Variants in ATL2 observed in about 807,000 individuals in gnomAD.
ATL2 encodes atlastin-2.
A neutral mutation model predicts 73.9 loss-of-function variants in ATL2; 31 were observed. That is an observed-to-expected ratio of 0.42 (90% CI 0.32 to 0.57). The LOEUF (loss-of-function observed/expected upper bound fraction) is 0.57. Ranked by LOEUF, ATL2 falls within the 20% of genes least tolerant of loss-of-function variation. ATL2 has a pLI of 0.14. For missense variants in ATL2, 738 were observed against 702.6 expected (o/e 1.05, Z -0.57); for synonymous variants, 291 against 237.5 (o/e 1.23, Z -2.07).
At chr2:38,316,204 G>A (rs146950758) in intron 4 of ATL2, among the ~76,000 whole-genome samples, 2 of 152,198 alleles carry the variant, frequency 1.3e-5, no homozygotes, top group African/African-American at 2.4e-5. Context: ...CAAGAATATA[G>A]TCAATTTAGG....
intron 9 of ATL2, among the ~76,000 whole-genome samples, chr2:38,301,297 A>G (rs139632565): frequency 1.1e-4 from 17 of 152,288 alleles, no homozygotes; most frequent in Admixed American, 2.6e-4. Context: ...GACAAGATTC[A>G]TTCATAACTG....
intron 12 of ATL2, 21 bp from the exon 13 acceptor site, chr2:38,296,134 AAAAC>A (rs1218162054): frequency 6.5e-6 from 10 of 1,527,112 alleles, no homozygotes; most frequent in Non-Finnish European, 7.9e-6. Context: ...AGAAATGTGC[AAAAC>A]AAACAAAAAC....
intron 1 of ATL2, among the ~76,000 whole-genome samples, chr2:38,346,211 T>C (rs1007016766): frequency 1.3e-5 from 2 of 152,210 alleles, no homozygotes; most frequent in Non-Finnish European, 2.9e-5. Context: ...TGAATCTCTA[T>C]TGATAATATT....
chr2:38,356,603 T>C (rs1330098534), intron 1 of ATL2, among the ~76,000 whole-genome samples: 6 of 152,220 alleles, frequency 3.9e-5, no homozygotes, highest in Non-Finnish European at 8.8e-5. Flanking sequence ...TTTAATTTCA[T>C]AAAACTTACA....
intron 6 of ATL2, among the ~76,000 whole-genome samples, chr2:38,313,658 T>C (rs1667875079): frequency 6.6e-6 from 1 of 152,234 alleles, no homozygotes; most frequent in Non-Finnish European, 1.5e-5. Flanking sequence ...AGGATGTTTT[T>C]ACTCATATAG....
chr2:38,366,640 G>A (rs563545801), intron 1 of ATL2, among the ~76,000 whole-genome samples: 22 of 152,156 alleles, frequency 1.4e-4, no homozygotes, highest in African/African-American at 4.6e-4. Context: ...TCTAGCACAC[G>A]GCAATTTCTA....
intron 2 of ATL2, among the ~76,000 whole-genome samples, chr2:38,336,692 G>A (rs886135671): frequency 1.3e-5 from 2 of 152,136 alleles, no homozygotes; most frequent in Admixed American, 6.5e-5. Context: ...GCCTAGTCTC[G>A]AATTTAAGTC....
rs1436533409 is a variant in ATL2 at position 38,294,417 on chromosome 2, A to G, written c.*1577T>C. ...GAAAACATTAGCCGGGAATGGTGGC[A>G]CGCACCTGTAGTCCCAGCTACTCAG... is the stretch of plus-strand genomic sequence containing the variant. On this transcript the variant is annotated 3_prime_UTR_variant, in exon 13 of 13. Coordinates refer to ENST00000378954, the MANE Select transcript of ATL2 (RefSeq NM_001135673.4). Among the ~76,000 whole-genome samples the G allele has an allele frequency of 1.3e-5, 2 of 152,192 alleles. No individual in the cohort carries two copies. The highest frequency in any genetic ancestry group is 2.9e-5 in the Non-Finnish European group (2 of 68,036).
Position 38,299,294 on chromosome 2 carries a change from C to T in ATL2, c.1162G>A (p.Ala388Thr). 6.6e-7 allele frequency: 1 copy of T among 1,512,656 alleles called. No homozygotes were observed. Among genetic ancestry groups the T allele is most frequent in the South Asian group, 1.4e-5 (1 of 73,182 alleles). 93.7% of individuals were successfully genotyped at this position (1,512,656 alleles called of 1,614,324 possible). A position where few individuals can be genotyped will look rare whatever the true frequency, so the allele number is the denominator to read the frequency against. The change falls in exon 11 of 13, where the codon GCA (alanine) becomes ACA (threonine). Residue 388 changes from alanine to threonine, a missense_variant. Physicochemically the swap from Ala to Thr is moderately conservative, Grantham distance 58. Transcript: ENST00000378954. Reference sequence around the variant, plus strand: ...TTACAATAGGTATCTCTTGCTCCTGCTACTGCAGCAAGATTATTAGCTTCA... The same window carrying T: ...TTACAATAGGTATCTCTTGCTCCTGTTACTGCAGCAAGATTATTAGCTTCA... ...TAEANNLAAV[A>T]GARDTYCKSM...
intron 1 of ATL2, among the ~76,000 whole-genome samples, chr2:38,346,713 G>A (rs559177487): frequency 1.1e-4 from 17 of 152,154 alleles, no homozygotes; most frequent in Non-Finnish European, 1.6e-4. Context: ...GACAGGAGGC[G>A]AAGCTCAGGC....
intron 2 of ATL2, among the ~76,000 whole-genome samples, chr2:38,325,702 ACAC>A: frequency 2.0e-5 from 1 of 50,946 alleles, no homozygotes; most frequent in South Asian, 8.1e-4. Flanking sequence ...ACACCAGTAC[ACAC>A]ACACACACAC....
chr2:38,325,685 CA>C (rs1668585981), intron 2 of ATL2, among the ~76,000 whole-genome samples: 2 of 76,394 alleles, frequency 2.6e-5, no homozygotes, highest in East Asian at 3.5e-4. Flanking sequence ...CACACACACA[CA>C]CACACACACC....
chr2:38,352,937 C>T (rs1558442477), intron 1 of ATL2, among the ~76,000 whole-genome samples: 2 of 152,194 alleles, frequency 1.3e-5, no homozygotes, highest in African/African-American at 2.4e-5. Context: ...AAGTATGAAG[C>T]AAAGCCAAGG....
intron 2 of ATL2, among the ~76,000 whole-genome samples, chr2:38,322,675 G>C (rs1668390240): frequency 6.6e-6 from 1 of 152,046 alleles, no homozygotes; most frequent in Non-Finnish European, 1.5e-5. Context: ...AGGTTACCTT[G>C]TAATGGAAAT....
At chr2:38,310,232 GGC>G in intron 8 of ATL2, 75 bp downstream of exon 8, 1 of 1,483,966 alleles carries the variant, frequency 6.7e-7, no homozygotes, top group Non-Finnish European at 9.3e-7. Flanking sequence ...GGACATTTAA[GGC>G]GTCATGTATT....
rs755029194 is a variant in ATL2 at position 38,337,486 on chromosome 2, CAAAAAAAAAAAAAAA to C, written c.363+5767_363+5781del. Among the ~76,000 whole-genome samples the C allele has an allele frequency of 1.8e-3, 39 of 21,660 alleles. 1 individual carries two copies. The highest frequency in any genetic ancestry group is 4.5e-3 in the Admixed American group (5 of 1,122). The allele number at this position is 21,660 out of a possible 152,430, so 14.2% of individuals were successfully genotyped here. On this transcript the variant is annotated intron_variant, in intron 2 of 12. Coordinates refer to ENST00000378954, the MANE Select transcript of ATL2 (RefSeq NM_001135673.4). Reference sequence around the variant, plus strand: ...TGGCGACAGAACAAGACTCTGTCTCCAAAAAAAAAAAAAAAAAAAAAAAAAAAAAAAGGCAGTTGA... The same window carrying C: ...TGGCGACAGAACAAGACTCTGTCTCCAAAAAAAAAAAAAAAAGGCAGTTGA...
intron 1 of ATL2, among the ~76,000 whole-genome samples, chr2:38,364,350 G>C (rs751750844): frequency 6.6e-6 from 1 of 152,224 alleles, no homozygotes; most frequent in Non-Finnish European, 1.5e-5. Flanking sequence ...CAATTTCAGA[G>C]CAGAGGAGAG....
At chr2:38,354,127 A>C (rs1670521084) in intron 1 of ATL2, 2 of 415,014 alleles carry the variant, frequency 4.8e-6, no homozygotes, top group Non-Finnish European at 9.5e-6. Context: ...GGGAGGTTGC[A>C]GTAAGCGAAG....
At chr2:38,347,802 T>C (rs913040394) in intron 1 of ATL2, among the ~76,000 whole-genome samples, 1 of 148,608 alleles carries the variant, frequency 6.7e-6, no homozygotes, top group African/African-American at 2.5e-5. Context: ...CAGAGCGCTC[T>C]GTCACCCAGG....
Sources: allele counts gnomAD v4.1 joint callset (sites outside exome capture counted in the v4.1 genomes callset), GRCh38; gene constraint gnomAD v4.1.1; transcripts MANE v1.5; gene names NCBI Gene and HGNC (gene_info 2026-07-23, HGNC 2026-07-21).